The following ZNF407 variants were observed in gnomAD, a reference collection of about 807,000 sequenced individuals.
ZNF407 encodes the protein zinc finger protein 407.
ZNF407 carries 17 observed loss-of-function variants against 131.2 expected under a neutral mutation model. That is an observed-to-expected ratio of 0.13 (90% CI 0.09 to 0.19). The LOEUF is 0.19. Ranked by LOEUF, ZNF407 falls within the 10% of genes least tolerant of loss-of-function variation. ZNF407 has a pLI of 1.00. For missense variants in ZNF407, 2,681 were observed against 2,830.6 expected (o/e 0.95, Z 1.20); for synonymous variants, 1,156 against 1,062.0 (o/e 1.09, Z -1.72).
chr18:74,709,473 C>G (rs562422729), intron 3 of ZNF407, among the ~76,000 whole-genome samples: 1 of 152,294 alleles, frequency 6.6e-6, no homozygotes, highest in Non-Finnish European at 1.5e-5. Flanking sequence ...GTTACATGTT[C>G]ATAATATTGA....
At chr18:74,647,734 C>T (rs987272827) in intron 3 of ZNF407, among the ~76,000 whole-genome samples, 4 of 152,250 alleles carry the variant, frequency 2.6e-5, no homozygotes, top group African/African-American at 7.2e-5. Flanking sequence ...GGCAGATCCT[C>T]GTGTTTTCTT....
In ZNF407 at chr18:74,634,416, A is replaced by C. The variant is rs772746756; in HGVS notation, c.3397A>C (p.Asn1133His). 1 of 1,613,456 alleles carries C rather than the reference A, an allele frequency of 6.2e-7. No homozygotes were observed. The highest frequency in any genetic ancestry group is 8.5e-7 in the Non-Finnish European group (1 of 1,179,800). Residue 1133 changes from asparagine to histidine, a missense_variant, in exon 2 of 9, where the codon AAT becomes CAT. Around this residue, in one of 6 missense-constraint regions of ZNF407, gnomAD observed 1,789 missense variants for 1,748.7 expected, o/e 1.02. Transcript: ENST00000299687. ...NAADCSILNE[N>H]TNLDMSKVLC... ...TGCAGATTGCTCTATTTTAAATGAG[A>C]ATACTAATTTAGATATGTCTAAAGT...
chr18:74,634,043 G>T lies in ZNF407; in HGVS notation c.3024G>T (p.Gln1008His). ...DFAQPGDVYS[Q>H]RDVTGTGENK... ...CCCAGCCGGGGGATGTGTACTCCCA[G>T]AGAGATGTTACAGGCACAGGTGAGA... Residue 1008 changes from glutamine to histidine, a missense_variant, in exon 2 of 9, where the codon CAG becomes CAT. By Grantham distance (24) the Gln-to-His change is conservative. Around this residue, in one of 6 missense-constraint regions of ZNF407, gnomAD observed 1,789 missense variants for 1,748.7 expected, o/e 1.02. Coordinates refer to ENST00000299687, the MANE Select transcript of ZNF407 (RefSeq NM_017757.3). The T allele has an allele frequency of 6.2e-7, 1 of 1,614,028 alleles. No homozygotes were observed. The highest frequency in any genetic ancestry group is 8.5e-7 in the Non-Finnish European group (1 of 1,179,898).
chr18:74,833,036 A>T (rs774928004), intron 4 of ZNF407, among the ~76,000 whole-genome samples: 1 of 152,198 alleles, frequency 6.6e-6, no homozygotes, highest in Non-Finnish European at 1.5e-5. Context: ...CAAGCTTTCT[A>T]TATATTTGCT....
intron 3 of ZNF407, among the ~76,000 whole-genome samples, chr18:74,708,725 A>C (rs1206533560): frequency 6.6e-6 from 1 of 152,256 alleles, no homozygotes; most frequent in Non-Finnish European, 1.5e-5. Flanking sequence ...GGGGTCTGCC[A>C]GCTTGCTGTA....
chr18:74,985,298 A>T (rs73476484), intron 8 of ZNF407, among the ~76,000 whole-genome samples: 2 of 152,328 alleles, frequency 1.3e-5, no homozygotes, highest in Admixed American at 6.5e-5. Context: ...AAACATGAAA[A>T]GGTGAATAAA....
rs1009637991 is a variant in ZNF407, at chr18:75,048,585, C to T, written c.5429-14565C>T. On this transcript the variant is annotated intron_variant, in intron 8 of 8. Transcript: ENST00000299687. This position sits in a 1 kb window ranked among gnomAD's most constrained non-coding sequence, Gnocchi z 4.1. ...GAAGCATGTTGCCAGTAATAACTGA[C>T]AGGACTCTAACTCTCAGCTCGATGT... Among the ~76,000 whole-genome samples, 1 of 152,116 alleles carries T rather than the reference C, an allele frequency of 6.6e-6. No individual in the cohort carries two copies. Among genetic ancestry groups the T allele is most frequent in the African/African-American group, 2.4e-5 (1 of 41,394 alleles).
chr18:74,817,376 A>T (rs553293163), intron 4 of ZNF407, among the ~76,000 whole-genome samples: 3 of 152,140 alleles, frequency 2.0e-5, no homozygotes, highest in African/African-American at 7.2e-5. Context: ...TGCTGAGATA[A>T]AGTTTATGTT....
intron 4 of ZNF407, among the ~76,000 whole-genome samples, chr18:74,785,679 C>CT (rs1491146165): frequency 6.6e-6 from 1 of 151,946 alleles, no homozygotes; most frequent in Non-Finnish European, 1.5e-5. Context: ...GGAGCGTCAC[C>CT]TTTTTTTTAT....
rs1180282689 is a variant in ZNF407, at chr18:75,064,006, C to T, written c.6285C>T (p.Gly2095=). The T allele has an allele frequency of 1.9e-6, 3 of 1,609,748 alleles. No individual in the cohort carries two copies. The South Asian group carries it at 3.3e-5, about 18-fold the overall frequency. Reference sequence around the variant, plus strand: ...CTGTGTGTGACACGGCCGCGGCCGGCCAGTTGGTCAAGGACGGTGTCACCC... The same window carrying T: ...CTGTGTGTGACACGGCCGCGGCCGGTCAGTTGGTCAAGGACGGTGTCACCC... ...QFAVCDTAAA[G]QLVKDGVTQV... is the part of the protein sequence containing the mutation. Residue 2095 remains glycine (G), a synonymous_variant, in exon 9 of 9, where the codon GGC becomes GGT. Transcript: ENST00000299687.
At chr18:74,701,427 C>A (rs930488541) in intron 3 of ZNF407, among the ~76,000 whole-genome samples, 2 of 152,204 alleles carry the variant, frequency 1.3e-5, no homozygotes, top group South Asian at 4.1e-4. Context: ...GTAATATTTC[C>A]GACTACCTAT....
chr18:74,835,381 G>T (rs1168775250), intron 4 of ZNF407, among the ~76,000 whole-genome samples: 1 of 152,188 alleles, frequency 6.6e-6, no homozygotes. Context: ...AGTGGTCAGT[G>T]TTGCACAAGG....
At chr18:74,730,285 C>T (rs1211137214) in intron 3 of ZNF407, among the ~76,000 whole-genome samples, 1 of 152,188 alleles carries the variant, frequency 6.6e-6, no homozygotes, top group Non-Finnish European at 1.5e-5. Flanking sequence ...GTAATGGCTT[C>T]TCTAGCTTGA....
At chr18:75,050,120 GTTACA>G (rs1293305575) in intron 8 of ZNF407, among the ~76,000 whole-genome samples, 3 of 152,016 alleles carry the variant, frequency 2.0e-5, no homozygotes, top group African/African-American at 4.8e-5. Context: ...ATAGATATTA[GTTACA>G]TTACATACCA....
chr18:74,681,078 G>A (rs891427460), intron 3 of ZNF407, among the ~76,000 whole-genome samples: 3 of 152,130 alleles, frequency 2.0e-5, no homozygotes, highest in African/African-American at 7.2e-5. Flanking sequence ...GGCAGGTGCT[G>A]TTAGAGAAAT....
At chr18:74,835,627 GGGGTGT>G (rs780980314) in intron 4 of ZNF407, among the ~76,000 whole-genome samples, 14,071 of 117,298 alleles carry the variant, frequency 0.12, 816 homozygotes, top group Non-Finnish European at 0.16. Context: ...TGGACAGAGG[GGGGTGT>G]GTGTGTGTGT....
intron 8 of ZNF407, among the ~76,000 whole-genome samples, chr18:75,002,804 C>CA (rs11337117): frequency 7.3e-5 from 8 of 109,912 alleles, no homozygotes; most frequent in South Asian, 3.1e-4. Context: ...GACTCCGGCT[C>CA]AAAAAAAAAA....
chr18:74,981,221 C>T (rs1191291569), intron 8 of ZNF407, among the ~76,000 whole-genome samples: 1 of 152,200 alleles, frequency 6.6e-6, no homozygotes, highest in Non-Finnish European at 1.5e-5. Context: ...GCAGAGGCAC[C>T]CCCGTCAGTG....
chr18:74,912,196 C>G (rs1971682809), intron 7 of ZNF407, among the ~76,000 whole-genome samples: 2 of 152,132 alleles, frequency 1.3e-5, no homozygotes, highest in Admixed American at 6.5e-5. Context: ...ATTATTAACA[C>G]ATATTAATAA....
Sources: gnomAD v4.1 joint callset for allele counts (sites outside exome capture counted in the v4.1 genomes callset) on GRCh38, gnomAD v4.1.1 for gene constraint, gnomAD v4.1.1 regional missense constraint, Gnocchi (gnomAD v3.1) non-coding constraint, MANE v1.5 for transcripts, NCBI Gene and HGNC (gene_info 2026-07-23, HGNC 2026-07-21) for gene names.